The following FA2H variants were observed in gnomAD, a reference collection of about 807,000 sequenced individuals.
The protein encoded by FA2H is fatty acid 2-hydroxylase.
In FA2H, 22 loss-of-function variants were observed where a neutral mutation model predicts 44.9. The ratio of observed to expected loss-of-function variants is 0.49; its 90% CI spans 0.35 to 0.70. FA2H has a LOEUF of 0.70. Among genes scored for constraint, FA2H ranks in the 30% least tolerant of loss-of-function variants. The pLI, the probability that FA2H is intolerant of heterozygous loss-of-function variation, is 0.01. For synonymous variants in FA2H, 243 were observed against 213.2 expected, an observed-to-expected ratio of 1.14 and a Z score of -1.22; for missense variants, 501 against 504.9, an observed-to-expected ratio of 0.99 and a Z score of 0.07.
intron 1 of FA2H, among the ~76,000 whole-genome samples, chr16:74,750,157 GTC>G (rs763391421): frequency 6.6e-6 from 1 of 152,206 alleles, no homozygotes; most frequent in Non-Finnish European, 1.5e-5. Flanking sequence ...CTGGACCGTA[GTC>G]TCTCAAGACT....
intron 6 of FA2H, among the ~76,000 whole-genome samples, chr16:74,716,046 C>G (rs948178102): frequency 6.6e-6 from 1 of 152,156 alleles, no homozygotes; most frequent in Non-Finnish European, 1.5e-5. Flanking sequence ...AACTCCTGAC[C>G]TCAAGTGATC....
At chr16:74,755,919 T>G (rs987692844) in intron 1 of FA2H, among the ~76,000 whole-genome samples, 6 of 152,210 alleles carry the variant, frequency 3.9e-5, no homozygotes, top group African/African-American at 1.4e-4. Flanking sequence ...GACAACGATA[T>G]GCCTCCTTAC....
intron 1 of FA2H, among the ~76,000 whole-genome samples, chr16:74,759,845 G>T (rs958629512): frequency 2.6e-5 from 4 of 152,124 alleles, no homozygotes; most frequent in Non-Finnish European, 5.9e-5. Context: ...ACCTCCTAGG[G>T]GTCCCCTCTT....
chr16:74,734,508 C>A (rs1222218922), intron 2 of FA2H, among the ~76,000 whole-genome samples: 1 of 152,196 alleles, frequency 6.6e-6, no homozygotes, highest in African/African-American at 2.4e-5. Context: ...GGGGTCCATG[C>A]CCCTCCCCCA....
chr16:74,723,108 T>G (rs1000743982), intron 4 of FA2H, among the ~76,000 whole-genome samples: 4 of 152,240 alleles, frequency 2.6e-5, no homozygotes, highest in Non-Finnish European at 4.4e-5. Flanking sequence ...CTTATGAATA[T>G]CCGAGGGTAC....
intron 2 of FA2H, among the ~76,000 whole-genome samples, chr16:74,728,131 A>T (rs891740868): frequency 1.3e-5 from 2 of 152,144 alleles, no homozygotes; most frequent in Non-Finnish European, 2.9e-5. Context: ...CAGCTATAAA[A>T]TGGAAGTAAT....
At position 74,716,289 on chromosome 16, in the gene FA2H, T is replaced by C. The variant is rs1047532972; in HGVS notation, c.1039+58A>G. On this transcript the variant is annotated intron_variant, in intron 6 of 6. Transcript: ENST00000219368. ...GCCGTTCCCAGGAGCTCGATGGTAG[T>C]TGGCAAATAAATCAATGAACACACA... 8 of 1,592,210 alleles carry C rather than the reference T, an allele frequency of 5.0e-6. No individual in the cohort carries two copies. In the African/African-American group the frequency reaches 9.4e-5, roughly 19 times the overall value.
chr16:74,764,921 G>C (rs924776994), intron 1 of FA2H, among the ~76,000 whole-genome samples: 1 of 152,072 alleles, frequency 6.6e-6, no homozygotes, highest in Non-Finnish European at 1.5e-5. Context: ...TCTTAACCCT[G>C]AGAGCAATGT....
At chr16:74,732,541 A>G (rs1962094625) in intron 2 of FA2H, among the ~76,000 whole-genome samples, 1 of 151,432 alleles carries the variant, frequency 6.6e-6, no homozygotes, top group Non-Finnish European at 1.5e-5. Context: ...GGTTGAAGTG[A>G]TTCTCCTGCC....
intron 1 of FA2H, among the ~76,000 whole-genome samples, chr16:74,750,029 T>C (rs1364917419): frequency 6.6e-6 from 1 of 152,190 alleles, no homozygotes; most frequent in Non-Finnish European, 1.5e-5. Context: ...AAATCCTGCC[T>C]CTTGCTGCAC....
chr16:74,774,376 C>A, intron 1 of FA2H, 110 bp downstream of exon 1: 1 of 1,075,866 alleles, frequency 9.3e-7, no homozygotes, highest in Non-Finnish European at 1.3e-6. Flanking sequence ...GAAGGGAGGG[C>A]AGAAGCTGTC....
At chr16:74,734,390 G>A (rs998187538) in intron 2 of FA2H, among the ~76,000 whole-genome samples, 1 of 152,246 alleles carries the variant, frequency 6.6e-6, no homozygotes, top group Non-Finnish European at 1.5e-5. Context: ...CAGCTCATTG[G>A]GGTGGAGGGA....
At chr16:74,772,154 C>T (rs759860038) in intron 1 of FA2H, among the ~76,000 whole-genome samples, 2 of 152,172 alleles carry the variant, frequency 1.3e-5, no homozygotes, top group Non-Finnish European at 2.9e-5. Flanking sequence ...CCCCCACATC[C>T]CTGTCTTTGC....
intron 1 of FA2H, among the ~76,000 whole-genome samples, chr16:74,752,572 G>T (rs1962546432): frequency 6.6e-6 from 1 of 152,144 alleles, no homozygotes; most frequent in African/African-American, 2.4e-5. Context: ...TGCATCACTT[G>T]CTGCCACCTG....
At chr16:74,728,720 G>A (rs916498200) in intron 2 of FA2H, among the ~76,000 whole-genome samples, 1 of 151,578 alleles carries the variant, frequency 6.6e-6, no homozygotes, top group African/African-American at 2.4e-5. Context: ...AAATATTAAC[G>A]ACCCTATTTC....
chr16:74,728,315 T>C (rs1042323779), intron 2 of FA2H, among the ~76,000 whole-genome samples: 2 of 152,208 alleles, frequency 1.3e-5, no homozygotes, highest in African/African-American at 2.4e-5. Flanking sequence ...AGATGTGGCA[T>C]GCCAAGCAGG....
chr16:74,732,819 C>A (rs962313807), intron 2 of FA2H, among the ~76,000 whole-genome samples: 2 of 152,192 alleles, frequency 1.3e-5, no homozygotes, highest in Non-Finnish European at 2.9e-5. Context: ...GGACTTCAGC[C>A]TAGATCTCAC....
At position 74,741,800 on chromosome 16, in the gene FA2H, A is replaced by ATG. The variant is rs1178776925; in HGVS notation, c.271-1686_271-1685insCA. On this transcript the variant is annotated intron_variant, in intron 1 of 6. Transcript: ENST00000219368. ...TATATATATATATATATATATATAT[A>ATG]TATATATATGTGTGTGTGTGTGTGT... Among the ~76,000 whole-genome samples, 50 of 80,758 alleles carry ATG rather than the reference A, an allele frequency of 6.2e-4. 1 individual carries two copies. Among genetic ancestry groups the ATG allele is most frequent in the African/African-American group, 2.3e-3 (42 of 18,408 alleles). The allele number at this position is 80,758 out of a possible 152,430, so 53.0% of individuals were successfully genotyped here. A position where few individuals can be genotyped will look rare whatever the true frequency, so the allele number is the denominator to read the frequency against.
chr16:74,746,318 G>T (rs1718650979), intron 1 of FA2H, among the ~76,000 whole-genome samples: 1 of 151,504 alleles, frequency 6.6e-6, no homozygotes, highest in Admixed American at 6.6e-5. Context: ...GGAGTGGAGT[G>T]GTGTGATCAT....
Sources: gnomAD v4.1 joint callset for allele counts (sites outside exome capture counted in the v4.1 genomes callset) on GRCh38, gnomAD v4.1.1 for gene constraint, MANE v1.5 for transcripts, NCBI Gene and HGNC (gene_info 2026-07-23, HGNC 2026-07-21) for gene names.